The following TRMT44 variants were observed in gnomAD, a reference collection of about 807,000 sequenced individuals.
The protein encoded by TRMT44 is probable tRNA (uracil-O(2)-)-methyltransferase.
A neutral mutation model predicts 77.3 loss-of-function variants in TRMT44; 78 were observed. That is an observed-to-expected ratio of 1.01 (90% confidence interval 0.84 to 1.22). TRMT44 has a LOEUF of 1.22. Ranked by LOEUF, TRMT44 falls within the 50% of genes most tolerant of loss-of-function variation. The pLI is 0.00. For missense variants in TRMT44, 1,090 were observed against 964.4 expected (o/e 1.13, Z -1.73); for synonymous variants, 391 against 383.3 (o/e 1.02, Z -0.23).
At chr4:8,492,122 G>T (rs940605031) in intron 2 of TRMT44, among the ~76,000 whole-genome samples, 3 of 152,224 alleles carry the variant, frequency 2.0e-5, no homozygotes, top group Non-Finnish European at 4.4e-5. Flanking sequence ...AGAATAGCGA[G>T]GTTTCCTCCA....
chr4:8,484,140 T>G (rs1322701617), intron 2 of TRMT44, among the ~76,000 whole-genome samples: 1 of 152,146 alleles, frequency 6.6e-6, no homozygotes, highest in Non-Finnish European at 1.5e-5. Flanking sequence ...CGATTAGGCC[T>G]GGTGGAACTT....
At chr4:8,462,012 C>T (rs1015870075) in intron 6 of TRMT44, among the ~76,000 whole-genome samples, 3 of 152,202 alleles carry the variant, frequency 2.0e-5, no homozygotes, top group Admixed American at 2.0e-4. Flanking sequence ...AAACAAAACA[C>T]CTGTTTATAA....
At chr4:8,488,371 G>C (rs981082076) in intron 2 of TRMT44, among the ~76,000 whole-genome samples, 3 of 152,218 alleles carry the variant, frequency 2.0e-5, no homozygotes, top group Non-Finnish European at 2.9e-5. Context: ...AGCGAAGGGA[G>C]ATAGGGGTGG....
chr4:8,446,537 G>A lies in TRMT44; in HGVS notation c.681G>A (p.Lys227=), dbSNP rs1055834794. 4 of 1,536,418 alleles carry A rather than the reference G, an allele frequency of 2.6e-6. No individual in the cohort carries two copies. Among genetic ancestry groups the A allele is most frequent in the Non-Finnish European group, 3.5e-6 (4 of 1,146,960 alleles). The change falls in exon 2 of 11, where the codon AAG becomes AAA. Residue 227 remains lysine, a synonymous_variant. Coordinates refer to ENST00000389737, the MANE Select transcript of TRMT44 (RefSeq NM_152544.3). The surrounding 1 kb of genome is among the most constrained non-coding windows in gnomAD (Gnocchi z 4.3). ...PLEEDDEGNL[K]VKMSNVYQIQ... is the part of the protein sequence containing the mutation. ...AAGAAGATGATGAGGGGAACCTAAA[G>A]GTTAAGATGAGCAATGTGTATCAAA... is the stretch of plus-strand genomic sequence containing the variant.
intron 2 of TRMT44, among the ~76,000 whole-genome samples, chr4:8,484,112 G>T (rs1211668072): frequency 6.6e-6 from 1 of 152,184 alleles, no homozygotes; most frequent in Non-Finnish European, 1.5e-5. Context: ...AGCATAGCCT[G>T]CCTTTGCTGG....
chr4:8,485,155 C>T (rs1035056134), intron 2 of TRMT44, among the ~76,000 whole-genome samples: 1 of 152,198 alleles, frequency 6.6e-6, no homozygotes, highest in Non-Finnish European at 1.5e-5. Context: ...TGAGGCAGCA[C>T]AGCCCAGGTA....
At chr4:8,507,715 C>T in the TRMT44 span, among the ~76,000 whole-genome samples, 173 of 152,300 alleles carry the variant, frequency 1.1e-3, no homozygotes, top group African/African-American at 3.9e-3. Context: ...GCAGGGCTGT[C>T]GCTCCATGTA....
the TRMT44 span, among the ~76,000 whole-genome samples, chr4:8,502,678 A>AG: frequency 1 from 152,322 of 152,354 alleles, 76,145 homozygotes; most frequent in Middle Eastern, 1. Flanking sequence ...TCCTGGCCAC[A>AG]GGCCCTCTCC....
Position 8,454,766 on chromosome 4 carries a change from CGAA to C in TRMT44, c.1163_1165del (p.Arg388del). The stretch of plus-strand genomic sequence containing the variant: ...GCATCCAGGCAGAGGGATTGATGTC[CGAA>C]GAAGAAAAATCTGGGACATGTATGG... On this transcript the variant is annotated inframe_deletion, in exon 6 of 11. Transcript: ENST00000389737. 6.2e-7 allele frequency: 1 copy of C among 1,614,110 alleles called. No individual in the cohort carries two copies. Among genetic ancestry groups the C allele is most frequent in the East Asian group, 2.2e-5 (1 of 44,892 alleles).
intron 2 of TRMT44, among the ~76,000 whole-genome samples, chr4:8,490,541 G>A (rs1045298606): frequency 1.8e-4 from 27 of 151,720 alleles, no homozygotes; most frequent in African/African-American, 1.2e-4. Flanking sequence ...AGACCTTCGC[G>A]GTGAGTGTTA....
intron 6 of TRMT44, 84 bp downstream of exon 6, chr4:8,454,897 A>G (rs1264902902): frequency 1.6e-6 from 2 of 1,250,236 alleles, no homozygotes. Flanking sequence ...GTCTCTTTGT[A>G]TAGGTCAAGC....
chr4:8,475,973 G>A lies in TRMT44; in HGVS notation c.2246G>A (p.Arg749Gln), dbSNP rs750892554. Residue 749 changes from arginine to glutamine, a missense_variant, in exon 11 of 11, where the codon CGG (arginine) becomes CAG (glutamine). Arg to Gln is a conservative substitution (Grantham distance 43). Coordinates refer to ENST00000389737, the MANE Select transcript of TRMT44 (RefSeq NM_152544.3). The stretch of plus-strand genomic sequence containing the variant: ...GGGCCTGCGGAGCTGCGGCCACCCC[G>A]GACCACCCCGAGGAAGAAGATTTCA... The part of the protein sequence containing the change: ...AHGPAELRPP[R>Q]TTPRKKIS 15 of 1,613,938 alleles carry A rather than the reference G, an allele frequency of 9.3e-6. No individual in the cohort carries two copies. Among genetic ancestry groups the A allele is most frequent in the Admixed American group, 3.3e-5 (2 of 60,010 alleles).
chr4:8,479,200 G>A (rs1259618500), downstream of TRMT44: 1 of 152,030 alleles, frequency 6.6e-6, no homozygotes, highest in Non-Finnish European at 1.5e-5. Context: ...GAGAAGCTGA[G>A]CCCTCTGCTG....
rs749656805 is a variant in TRMT44, at chr4:8,468,142, C to T, written c.1723C>T (p.His575Tyr). 1.2e-6 allele frequency: 2 copies of T among 1,613,990 alleles called. No individual in the cohort carries two copies. Among genetic ancestry groups the T allele is most frequent in the African/African-American group, 2.7e-5 (2 of 75,058 alleles). Residue 575 changes from histidine to tyrosine, a missense_variant, in exon 9 of 11, where the codon CAT (histidine) becomes TAT (tyrosine). Coordinates refer to ENST00000389737, the MANE Select transcript of TRMT44 (RefSeq NM_152544.3). Reference sequence around the variant, plus strand: ...TGTAACCAGGGCCTGGGCCGCTGAGCATGGAGCAGGGCCCCAGGCTGAAGG... The same window carrying T: ...TGTAACCAGGGCCTGGGCCGCTGAGTATGGAGCAGGGCCCCAGGCTGAAGG... ...GCVTRAWAAE[H>Y]GAGPQAEGPW...
At chr4:8,468,578 CTTAA>C in intron 9 of TRMT44, 1 of 595,632 alleles carries the variant, frequency 1.7e-6, no homozygotes, top group South Asian at 2.1e-5. Context: ...AGTTTGGACC[CTTAA>C]TTAACTTTTA....
chr4:8,496,072 T>C (rs1291481780), downstream of TRMT44, among the ~76,000 whole-genome samples: 1 of 152,160 alleles, frequency 6.6e-6, no homozygotes, highest in African/African-American at 2.4e-5. Flanking sequence ...TTCATTTGCA[T>C]AGAGTGAACC....
chr4:8,445,745 T>G (rs931259180), intron 1 of TRMT44, among the ~76,000 whole-genome samples: 3 of 152,252 alleles, frequency 2.0e-5, no homozygotes, highest in Non-Finnish European at 4.4e-5. Flanking sequence ...CTGCTTCCTT[T>G]TGGCAGGTCT....
chr4:8,441,534 C>T (rs1724699194), intron 1 of TRMT44, 93 bp downstream of exon 1: 1 of 1,376,500 alleles, frequency 7.3e-7, no homozygotes, highest in African/African-American at 1.5e-5. Flanking sequence ...GTACTAGTTC[C>T]TCTGCGATGT....
intron 2 of TRMT44, among the ~76,000 whole-genome samples, chr4:8,484,920 T>C (rs923575073): frequency 1.3e-5 from 2 of 152,004 alleles, no homozygotes; most frequent in African/African-American, 2.4e-5. Context: ...TATGCCGAGA[T>C]AGGTAACAGA....
Sources: gnomAD v4.1 joint callset for allele counts (sites outside exome capture counted in the v4.1 genomes callset) on GRCh38, gnomAD v4.1.1 for gene constraint, Gnocchi (gnomAD v3.1) non-coding constraint, MANE v1.5 for transcripts, NCBI Gene and HGNC (gene_info 2026-07-23, HGNC 2026-07-21) for gene names.